Variants in PREB observed in about 807,000 individuals in gnomAD.
PREB encodes prolactin regulatory element binding.
A neutral mutation model predicts 46.7 loss-of-function variants in PREB; 29 were observed. That is an observed-to-expected ratio of 0.62 (90% CI 0.46 to 0.85). The LOEUF (loss-of-function observed/expected upper bound fraction) is 0.85, where lower values mean the gene tolerates loss of function less well. PREB is among the 40% of genes least tolerant of loss of function. PREB has a pLI of 0.00. For synonymous variants in PREB, 224 were observed against 220.1 expected (o/e 1.02, Z -0.16); for missense variants, 494 against 528.4 (o/e 0.93, Z 0.64).
chr2:27,132,585 C>G lies in PREB; in HGVS notation c.752+18G>C. 1.2e-6 allele frequency: 2 copies of G among 1,613,448 alleles called. No homozygotes were observed. Among genetic ancestry groups the G allele is most frequent in the Non-Finnish European group, 1.7e-6 (2 of 1,179,856 alleles). On this transcript the variant is annotated intron_variant, in intron 5 of 8. Transcript: ENST00000260643. The surrounding 1 kb of genome is among the most constrained non-coding windows in gnomAD (Gnocchi z 4.0). ...GCTGGGCTATGCCTCTTTCAGCCAC[C>G]ACCCAAAGTCTTCACACCTGCAGGC...
chr2:27,133,990 A>T, intron 1 of PREB: 1 of 603,844 alleles, frequency 1.7e-6, no homozygotes, highest in Non-Finnish European at 2.9e-6. Flanking sequence ...GCTAGAGGGC[A>T]GGCAAGACCT....
chr2:27,132,157 G>A lies in PREB; in HGVS notation c.926+73C>T. ...CCTCATACCCCAATACCGGTCCGTA[G>A]GGACCCAGGCAGGACTCCTTTCCAA... On this transcript the variant is annotated intron_variant, in intron 6 of 8. Transcript: ENST00000260643. The surrounding 1 kb of genome is among the most constrained non-coding windows in gnomAD (Gnocchi z 4.0). 6 of 1,608,442 alleles carry A rather than the reference G, an allele frequency of 3.7e-6. No individual in the cohort carries two copies. Among genetic ancestry groups the A allele is most frequent in the Non-Finnish European group, 5.1e-6 (6 of 1,174,842 alleles).
Position 27,133,583 on chromosome 2 carries a change from G to GCTGA in PREB, c.270_273dup (p.Leu92SerfsTer62). 1.9e-6 allele frequency: 3 copies of GCTGA among 1,614,146 alleles called. No individual in the cohort carries two copies. The highest frequency in any genetic ancestry group is 2.5e-6 in the Non-Finnish European group (3 of 1,179,972). ...TGTTGATGTGCCTGGAAGCGCAGGA[G>GCTGA]CTGACAGTGGGCATCCTGCCCTGCA... On this transcript the variant is annotated frameshift_variant, in exon 2 of 9. Coordinates refer to ENST00000260643, the MANE Select transcript of PREB (RefSeq NM_013388.6). LOFTEE classifies it high-confidence loss of function.
Position 27,132,695 on chromosome 2 carries a change from A to G in PREB, c.660T>C (p.Ser220=). ...TCACCAGCTGATCCTTCTGCCACAC[A>G]GAGGCCTTAAGGTCCCGGCCCACGG... The part of the protein sequence containing the change: ...LVTVGRDLKA[S]VWQKDQLVTQ... The change falls in exon 5 of 9, where the codon TCT becomes TCC. Residue 220 remains serine, a synonymous_variant. Coordinates refer to ENST00000260643, the MANE Select transcript of PREB (RefSeq NM_013388.6). The surrounding 1 kb of genome is among the most constrained non-coding windows in gnomAD (Gnocchi z 4.0). 2 of 1,614,136 alleles carry G rather than the reference A, an allele frequency of 1.2e-6. No homozygotes were observed. Among genetic ancestry groups the G allele is most frequent in the South Asian group, 2.2e-5 (2 of 91,080 alleles).
rs1672391535 is a variant in PREB, at chr2:27,133,937, G to A, written c.136-216C>T. On this transcript the variant is annotated intron_variant, in intron 1 of 8. Coordinates refer to ENST00000260643, the MANE Select transcript of PREB (RefSeq NM_013388.6). ...CAGAACAGGGTGAAGCTCAGGAGAG[G>A]GAAGGAACTTAGCCTAAACCCAAAT... 9.6e-6 allele frequency: 6 copies of A among 623,776 alleles called. 1 individual carries two copies. Among genetic ancestry groups the A allele is most frequent in the Middle Eastern group, 8.5e-4 (2 of 2,352 alleles). 38.6% of individuals were successfully genotyped at this position (623,776 alleles called of 1,614,324 possible). A position where few individuals can be genotyped will look rare whatever the true frequency, so the allele number is the denominator to read the frequency against.
In PREB at chr2:27,132,608, G is replaced by C. The variant is rs778007354; in HGVS notation, c.747C>G (p.Ala249=). The change falls in exon 5 of 9, where the codon GCC becomes GCG. Residue 249 remains alanine (A), a synonymous_variant. Coordinates refer to ENST00000260643, the MANE Select transcript of PREB (RefSeq NM_013388.6). The surrounding 1 kb of genome is among the most constrained non-coding windows in gnomAD (Gnocchi z 4.0). The stretch of plus-strand genomic sequence containing the variant: ...ACCACCCAAAGTCTTCACACCTGCA[G>C]GCCTGGTAGCGGTAAGGTGTGCTGG... The part of the protein sequence containing the change: ...TFSSTPYRYQ[A]CRFGQVPDQP... 29 of 1,614,018 alleles carry C rather than the reference G, an allele frequency of 1.8e-5. No homozygotes were observed. Among genetic ancestry groups the C allele is most frequent in the Non-Finnish European group, 2.4e-5 (28 of 1,180,008 alleles).
rs774077333 is a variant in PREB, at chr2:27,132,344, T to C, written c.812A>G (p.His271Arg). ...GLRLFTVQIP[H>R]KRLRQPPPCY... The stretch of plus-strand genomic sequence containing the variant: ...GGGAGGGGGCTGGCGCAGGCGCTTG[T>C]GGGGAATTTGCACTGTGAAGAGTCG... Residue 271 changes from histidine (H) to arginine (R), a missense_variant, in exon 6 of 9, where the codon CAC (histidine) becomes CGC (arginine). Physicochemically the swap from His to Arg is conservative, Grantham distance 29 (BLOSUM62 0). Coordinates refer to ENST00000260643, the MANE Select transcript of PREB (RefSeq NM_013388.6). This position sits in a 1 kb window ranked among gnomAD's most constrained non-coding sequence, Gnocchi z 4.0. 1 of 1,613,924 alleles carries C rather than the reference T, an allele frequency of 6.2e-7. No homozygotes were observed. The highest frequency in any genetic ancestry group is 1.1e-5 in the South Asian group (1 of 91,074).
intron 2 of PREB, 79 bp from the exon 3 acceptor site, chr2:27,133,416 T>C (rs1672369540): frequency 1.3e-6 from 2 of 1,597,246 alleles, no homozygotes; most frequent in Non-Finnish European, 1.7e-6. Flanking sequence ...CAGGTGCCCA[T>C]ACAACTTCTA....
Position 27,133,599 on chromosome 2 carries a change from C to T in PREB, c.258G>A (p.Gln86=). 6.2e-7 allele frequency: 1 copy of T among 1,614,164 alleles called. No individual in the cohort carries two copies. The highest frequency in any genetic ancestry group is 8.5e-7 in the Non-Finnish European group (1 of 1,180,012). Reference sequence around the variant, plus strand: ...AGCGCAGGAGCTGACAGTGGGCATCCTGCCCTGCAGCAAGGATGTCACCAG... The same window carrying T: ...AGCGCAGGAGCTGACAGTGGGCATCTTGCCCTGCAGCAAGGATGTCACCAG... ...ALAGDILAAG[Q]DAHCQLLRFQ... is the part of the protein sequence containing the mutation. Residue 86 remains glutamine, a synonymous_variant, in exon 2 of 9, where the codon CAG becomes CAA. Transcript: ENST00000260643.
At position 27,133,401 on chromosome 2, in the gene PREB, C is replaced by T. The variant is rs147071446; in HGVS notation, c.326-64G>A. 7.6e-4 allele frequency: 1,212 copies of T among 1,600,820 alleles called. 19 individuals are homozygous for T. The East Asian group carries it at 0.021, about 28-fold the overall frequency. On this transcript the variant is annotated intron_variant, in intron 2 of 8. Transcript: ENST00000260643. ...AGTAAGGAGTACTGGCCCCTCTCTC[C>T]ATGGCAGGTGCCCATACAACTTCTA... is the stretch of plus-strand genomic sequence containing the variant.
Position 27,134,581 on chromosome 2 carries a change from G to C in PREB, c.-160C>G. The C allele has an allele frequency of 1.5e-6, 2 of 1,344,082 alleles. No homozygotes were observed. Among genetic ancestry groups the C allele is most frequent in the Non-Finnish European group, 1.9e-6 (2 of 1,053,656 alleles). 83.3% of individuals were successfully genotyped at this position (1,344,082 alleles called of 1,614,324 possible). A position where few individuals can be genotyped will look rare whatever the true frequency, so the allele number is the denominator to read the frequency against. ...GGAGTTGCCAAAACCCTGACCATCA[G>C]CAGGAAGCCGAGCCTCAGCTCGGCT... On this transcript the variant is annotated 5_prime_UTR_variant, in exon 1 of 9. Transcript: ENST00000260643.
rs779604865 is a variant in PREB, at chr2:27,133,559, G to A, written c.298C>T (p.Gln100Ter). Residue 100 changes from glutamine to a stop codon, truncating the protein, a stop_gained, in exon 2 of 9, where the codon CAG becomes TAG. Coordinates refer to ENST00000260643, the MANE Select transcript of PREB (RefSeq NM_013388.6). LOFTEE classifies it high-confidence loss of function. ...GCCTTCTCTGCCTTGTTGCCCTGCT[G>A]TTGATGTGCCTGGAAGCGCAGGAGC... ...CQLLRFQAHQQQGNKAEKAGS... is the reference protein window; with the variant it reads ...CQLLRFQAHQ The A allele has an allele frequency of 6.2e-7, 1 of 1,613,938 alleles. No homozygotes were observed. Among genetic ancestry groups the A allele is most frequent in the Non-Finnish European group, 8.5e-7 (1 of 1,179,924 alleles).
Position 27,132,279 on chromosome 2 carries a change from G to A in PREB, c.877C>T (p.Leu293Phe), listed in dbSNP as rs1035885272. Reference sequence around the variant, plus strand: ...TCATGGCCACAGGACTTGGTCCGAAGGGGCAAGAAGTTGGAGCCATCCCAG... The same window carrying A: ...TCATGGCCACAGGACTTGGTCCGAAAGGGCAAGAAGTTGGAGCCATCCCAG... Reference protein sequence around the residue: ...TAWDGSNFLPLRTKSCGHEVV... With the variant: ...TAWDGSNFLPFRTKSCGHEVV... Residue 293 changes from leucine to phenylalanine, a missense_variant, in exon 6 of 9, where the codon CTT (leucine) becomes TTT (phenylalanine). Coordinates refer to ENST00000260643, the MANE Select transcript of PREB (RefSeq NM_013388.6). This position sits in a 1 kb window ranked among gnomAD's most constrained non-coding sequence, Gnocchi z 4.0. 5 of 1,614,064 alleles carry A rather than the reference G, an allele frequency of 3.1e-6. No homozygotes were observed. The highest frequency in any genetic ancestry group is 3.4e-6 in the Non-Finnish European group (4 of 1,180,016).
chr2:27,131,826 G>C lies in PREB; in HGVS notation c.1005C>G (p.Leu335=). ...TGCCATGGGCCTCCCTCACGTAGTA[G>C]AGGCACTGTGGGCAGAAGGAATACC... ...AIYIAFSLQC[L]YYVREAHGIV... The change falls in exon 8 of 9, where the codon CTC becomes CTG. Residue 335 remains leucine, a synonymous_variant. Transcript: ENST00000260643. The C allele has an allele frequency of 6.2e-7, 1 of 1,613,972 alleles. No individual in the cohort carries two copies. Among genetic ancestry groups the C allele is most frequent in the Non-Finnish European group, 8.5e-7 (1 of 1,179,908 alleles).
In PREB at chr2:27,131,483, G is replaced by C; in HGVS notation, c.1185C>G (p.Leu395=). The change falls in exon 9 of 9, where the codon CTC becomes CTG. Residue 395 remains leucine, a synonymous_variant. Transcript: ENST00000260643. The part of the protein sequence containing the change: ...SRRSVPVWLL[L]LLCVGLIIVT... The stretch of plus-strand genomic sequence containing the variant: ...CAATAATAAGCCCGACACACAGCAG[G>C]AGCAGGAGCCACACAGGAACACTCC... The C allele has an allele frequency of 1.9e-6, 3 of 1,583,536 alleles. No homozygotes were observed. Among genetic ancestry groups the C allele is most frequent in the Non-Finnish European group, 2.6e-6 (3 of 1,164,348 alleles).
chr2:27,133,441 C>T (rs1476555698), intron 2 of PREB, 91 bp downstream of exon 2: 2 of 1,593,890 alleles, frequency 1.3e-6, no homozygotes, highest in African/African-American at 1.3e-5. Context: ...GCTACCAAAA[C>T]CCTACTTCCA....
chr2:27,131,508 C>T lies in PREB; in HGVS notation c.1160G>A (p.Arg387Gln), dbSNP rs1259459327. 5 of 1,591,694 alleles carry T rather than the reference C, an allele frequency of 3.1e-6. No individual in the cohort carries two copies. Among genetic ancestry groups the T allele is most frequent in the Non-Finnish European group, 4.3e-6 (5 of 1,168,736 alleles). The change falls in exon 9 of 9, where the codon CGG (arginine) becomes CAG (glutamine). Residue 387 changes from arginine (R) to glutamine (Q), a missense_variant and splice_region_variant. Arg to Gln is a conservative substitution (Grantham distance 43). Transcript: ENST00000260643. The stretch of plus-strand genomic sequence containing the variant: ...GAGCAGGAGCCACACAGGAACACTC[C>T]CTGCAGGAGGGAAAGGGAGGAGGTC... The part of the protein sequence containing the change: ...RCQLHLLPSR[R>Q]SVPVWLLLLL...
intron 3 of PREB, 70 bp downstream of exon 3, chr2:27,133,047 C>T (rs771382240): frequency 9.4e-6 from 15 of 1,588,352 alleles, no homozygotes; most frequent in African/African-American, 1.3e-5. Flanking sequence ...CCAGATGCCA[C>T]GTTCAACTTC....
Position 27,132,458 on chromosome 2 carries a change from G to C in PREB, c.753-55C>G, listed in dbSNP as rs1672320213. ...CCTAGGGCCTGCCCAACCCTCCTCA[G>C]AGGTTTGTGCACCACCTGCACCCTG... On this transcript the variant is annotated intron_variant, in intron 5 of 8. Transcript: ENST00000260643. This position sits in a 1 kb window ranked among gnomAD's most constrained non-coding sequence, Gnocchi z 4.0. 3 of 1,593,870 alleles carry C rather than the reference G, an allele frequency of 1.9e-6. No individual in the cohort carries two copies. Among genetic ancestry groups the C allele is most frequent in the Non-Finnish European group, 2.6e-6 (3 of 1,169,422 alleles).
Sources: gnomAD v4.1 joint callset for allele counts on GRCh38, gnomAD v4.1.1 for gene constraint, Gnocchi (gnomAD v3.1) non-coding constraint, MANE v1.5 for transcripts, NCBI Gene and HGNC (gene_info 2026-07-23, HGNC 2026-07-21) for gene names.